The following CERS2 variants were observed in gnomAD, a reference collection of about 807,000 sequenced individuals.
CERS2 encodes ceramide synthase 2.
CERS2 carries 20 observed loss-of-function variants against 56.6 expected under a neutral mutation model. The ratio of observed to expected loss-of-function variants is 0.35; its 90% CI spans 0.25 to 0.51. CERS2 has a LOEUF of 0.51. Among genes scored for constraint, CERS2 ranks in the 20% least tolerant of loss-of-function variants. CERS2 has a pLI of 0.96. For missense variants in CERS2, 361 were observed against 488.6 expected, an observed-to-expected ratio of 0.74 and a Z score of 2.46; for synonymous variants, 187 against 175.4, an observed-to-expected ratio of 1.07 and a Z score of -0.52.
Position 150,969,054 on chromosome 1 carries a change from G to A in CERS2, c.37C>T (p.Arg13Cys). Reference protein sequence around the residue: ...QTLYDYFWWERLWLPVNLTWA... With the variant: ...QTLYDYFWWECLWLPVNLTWA... ...GTCAAGTTCACAGGCAGCCACAGACGTTCCCACCAGAAGTAATCATACAAG... is the reference window on the plus strand; with the variant it reads ...GTCAAGTTCACAGGCAGCCACAGACATTCCCACCAGAAGTAATCATACAAG... Residue 13 changes from arginine (R) to cysteine (C), a missense_variant, in exon 2 of 11, where the codon CGT (arginine) becomes TGT (cysteine). This residue lies in a region of CERS2 where 236 missense variants were observed against 309.2 expected (regional missense o/e 0.76). Coordinates refer to ENST00000368954, the MANE Select transcript of CERS2 (RefSeq NM_022075.5). 5 of 1,614,102 alleles carry A rather than the reference G, an allele frequency of 3.1e-6. No homozygotes were observed. The South Asian group carries it at 3.3e-5, about 11-fold the overall frequency.
chr1:150,966,808 TGAA>T lies in CERS2; in HGVS notation c.793_795del (p.Phe265del). The stretch of plus-strand genomic sequence containing the variant: ...ATGATAAAAACAATGGCGAAGACGA[TGAA>T]GATGTTGTTGCAGGTGTTCTTCCAT... On this transcript the variant is annotated inframe_deletion, in exon 9 of 11. Coordinates refer to ENST00000368954, the MANE Select transcript of CERS2 (RefSeq NM_022075.5). 2 of 1,614,108 alleles carry T rather than the reference TGAA, an allele frequency of 1.2e-6. No homozygotes were observed. The highest frequency in any genetic ancestry group is 1.7e-6 in the Non-Finnish European group (2 of 1,179,980).
chr1:150,970,017 C>CA (rs1450456483), intron 1 of CERS2, among the ~76,000 whole-genome samples: 1 of 152,100 alleles, frequency 6.6e-6, no homozygotes, highest in Non-Finnish European at 1.5e-5. Flanking sequence ...CACTTGAGCT[C>CA]AGGAGTTTGA....
At chr1:150,968,003 G>A (rs757121339) in intron 4 of CERS2, 80 bp downstream of exon 4, 191 of 1,428,176 alleles carry the variant, frequency 1.3e-4, no homozygotes, top group Admixed American at 1.8e-4. Context: ...ATCTCCCTGC[G>A]TATAGCCACC....
chr1:150,966,678 C>T lies in CERS2; in HGVS notation c.849-49G>A, dbSNP rs146346001. 4,382 of 1,608,352 alleles carry T rather than the reference C, an allele frequency of 2.7e-3. 11 individuals carry two copies. The highest frequency in any genetic ancestry group is 3.3e-3 in the Non-Finnish European group (3,923 of 1,175,030). The stretch of plus-strand genomic sequence containing the variant: ...ACGTGGACAAGAGCAGGTCAGACAC[C>T]GGGGAGATACAGGAGGGGAAGAAAG... On this transcript the variant is annotated intron_variant, in intron 9 of 10. Transcript: ENST00000368954.
chr1:150,967,372 T>G lies in CERS2; in HGVS notation c.612+20A>C. 6.5e-7 allele frequency: 1 copy of G among 1,543,154 alleles called. No individual in the cohort carries two copies. Among genetic ancestry groups the G allele is most frequent in the Non-Finnish European group, 9.0e-7 (1 of 1,115,442 alleles). On this transcript the variant is annotated intron_variant, in intron 7 of 10. Transcript: ENST00000368954. Reference sequence around the variant, plus strand: ...CCTCATTTTGGCTCTGAGGCTTAATTGCACAACCCCTTCACCCACCTTTCG... The same window carrying G: ...CCTCATTTTGGCTCTGAGGCTTAATGGCACAACCCCTTCACCCACCTTTCG...
At chr1:150,967,255 A>G in intron 7 of CERS2, 53 bp from the exon 8 acceptor site, 4 of 1,595,106 alleles carry the variant, frequency 2.5e-6, no homozygotes, top group Admixed American at 1.7e-5. Flanking sequence ...AGCTCTCACT[A>G]TGCCTTCTTA....
At position 150,966,958 on chromosome 1, in the gene CERS2, C is replaced by T. The variant is rs956617231; in HGVS notation, c.742-96G>A. ...GTTAGGAGCACTGACTCTGTGCCCT[C>T]CTCCTTGGTCCCAGGAATGTCATCC... On this transcript the variant is annotated intron_variant, in intron 8 of 10. Coordinates refer to ENST00000368954, the MANE Select transcript of CERS2 (RefSeq NM_022075.5). The T allele has an allele frequency of 4.8e-6, 7 of 1,451,764 alleles. 1 individual carries two copies. In the South Asian group the frequency reaches 8.1e-5, roughly 17 times the overall value. 89.9% of individuals were successfully genotyped at this position (1,451,764 alleles called of 1,614,324 possible). A position where few individuals can be genotyped will look rare whatever the true frequency, so the allele number is the denominator to read the frequency against.
rs1190918717 is a variant in CERS2 at position 150,974,565 on chromosome 1, GC to G, written c.-2+53del. ...ACCCGGGGCTCCCAACTTTTCCGCA[GC>G]CCCTTCCCACCCCCGCGCGGGGCTC... On this transcript the variant is annotated intron_variant, in intron 1 of 10. Coordinates refer to ENST00000368954, the MANE Select transcript of CERS2 (RefSeq NM_022075.5). 4.0e-5 allele frequency: 6 copies of G among 149,336 alleles called. No homozygotes were observed. In the East Asian group the frequency reaches 1.2e-3, roughly 30 times the overall value. 9.3% of individuals were successfully genotyped at this position (149,336 alleles called of 1,614,324 possible). A position where few individuals can be genotyped will look rare whatever the true frequency, so the allele number is the denominator to read the frequency against.
Position 150,974,740 on chromosome 1 carries a change from G to C in CERS2, c.-123C>G, listed in dbSNP as rs986590199. The C allele has an allele frequency of 6.6e-6, 1 of 152,630 alleles. No individual in the cohort carries two copies. The highest frequency in any genetic ancestry group is 6.6e-5 in the Admixed American group (1 of 15,076). 9.5% of individuals were successfully genotyped at this position (152,630 alleles called of 1,614,324 possible). On this transcript the variant is annotated 5_prime_UTR_variant, in exon 1 of 11. Coordinates refer to ENST00000368954, the MANE Select transcript of CERS2 (RefSeq NM_022075.5). ...CTCCTCCCTCTTCCGCCCGCCCGCCGGCCCGCGCCCGCCCTCGCCCTCCCT... is the reference window on the plus strand; with the variant it reads ...CTCCTCCCTCTTCCGCCCGCCCGCCCGCCCGCGCCCGCCCTCGCCCTCCCT...
chr1:150,974,464 C>T (rs1399743463), intron 1 of CERS2, 155 bp downstream of exon 1: 4 of 149,376 alleles, frequency 2.7e-5, no homozygotes, highest in Non-Finnish European at 6.0e-5. Flanking sequence ...CGCCCCCCGC[C>T]AGCGCCGCCT....
Position 150,966,016 on chromosome 1 carries a change from G to A in CERS2, c.*132C>T, listed in dbSNP as rs1558031113. On this transcript the variant is annotated 3_prime_UTR_variant, in exon 11 of 11. Coordinates refer to ENST00000368954, the MANE Select transcript of CERS2 (RefSeq NM_022075.5). ...TTAAAGGCAACTGGGTGACAAGCAAGGAGGGAGGATGCAGAGAACTCTCCT... is the reference window on the plus strand; with the variant it reads ...TTAAAGGCAACTGGGTGACAAGCAAAGAGGGAGGATGCAGAGAACTCTCCT... 5.2e-6 allele frequency: 5 copies of A among 956,456 alleles called. No homozygotes were observed. In the East Asian group the frequency reaches 1.4e-4, roughly 26 times the overall value. The allele number at this position is 956,456 out of a possible 1,614,324, so 59.2% of individuals were successfully genotyped here.
intron 8 of CERS2, 76 bp from the exon 9 acceptor site, chr1:150,966,938 G>A (rs1671040979): frequency 1.1e-5 from 15 of 1,427,392 alleles, no homozygotes; most frequent in South Asian, 8.0e-5. Context: ...CTCCAGTTAG[G>A]AGCACTGACT....
intron 10 of CERS2, 53 bp downstream of exon 10, chr1:150,966,423 T>C: frequency 6.2e-7 from 1 of 1,604,564 alleles, no homozygotes; most frequent in Non-Finnish European, 8.5e-7. Context: ...AAGATGGGAG[T>C]TCAGGAAGTT....
At position 150,968,967 on chromosome 1, in the gene CERS2, T is replaced by G; in HGVS notation, c.124A>C (p.Thr42Pro). The change falls in exon 2 of 11, where the codon ACG becomes CCG. Residue 42 changes from threonine (T) to proline (P), a missense_variant. Physicochemically the swap from Thr to Pro is conservative, Grantham distance 38 (BLOSUM62 -1). Coordinates refer to ENST00000368954, the MANE Select transcript of CERS2 (RefSeq NM_022075.5). ...AGGAAGAGCAAGGCCAGGGGCAGCG[T>G]GATATAGAGATCTGAGGCTTTGGCG... Reference protein sequence around the residue: ...VYAKASDLYITLPLALLFLIV... With the variant: ...VYAKASDLYIPLPLALLFLIV... The G allele has an allele frequency of 6.2e-7, 1 of 1,613,992 alleles. No individual in the cohort carries two copies. Among genetic ancestry groups the G allele is most frequent in the Non-Finnish European group, 8.5e-7 (1 of 1,180,010 alleles).
intron 2 of CERS2, 60 bp from the exon 3 acceptor site, chr1:150,968,572 A>G: frequency 7.4e-7 from 1 of 1,345,842 alleles, no homozygotes; most frequent in Non-Finnish European, 1.1e-6. Flanking sequence ...GCTGCAAGCT[A>G]AGGCAACTTT....
Position 150,968,855 on chromosome 1 carries a change from T to C in CERS2, c.173+63A>G, listed in dbSNP as rs1266852517. 5.2e-5 allele frequency: 79 copies of C among 1,505,322 alleles called. No individual in the cohort carries two copies. The highest frequency in any genetic ancestry group is 1.6e-4 in the East Asian group (7 of 44,212). 93.2% of individuals were successfully genotyped at this position (1,505,322 alleles called of 1,614,324 possible). On this transcript the variant is annotated intron_variant, in intron 2 of 10. Transcript: ENST00000368954. ...GCTAATTAAACAGCAAGGAACAAAC[T>C]TGAAGTCCAAGAAACTGCAACTGGC...
At chr1:150,968,246 TCAG>T in intron 3 of CERS2, 45 bp from the exon 4 acceptor site, 1 of 1,577,670 alleles carries the variant, frequency 6.3e-7, no homozygotes, top group South Asian at 1.1e-5. Flanking sequence ...CCTTCGGAAC[TCAG>T]CAGCATCCCC....
chr1:150,966,283 T>C lies in CERS2; in HGVS notation c.1008A>G (p.Val336=), dbSNP rs1323132071. The change falls in exon 11 of 11, where the codon GTA becomes GTG. Residue 336 remains valine (V), a synonymous_variant. Transcript: ENST00000368954. ...MAHKFITGKL[V]EDERSDREET... The stretch of plus-strand genomic sequence containing the variant: ...CTTCCCGGTCACTGCGTTCATCTTC[T>C]ACCAGCTGTGGAAAAGGGACAAGAA... 2 of 1,612,196 alleles carry C rather than the reference T, an allele frequency of 1.2e-6. No individual in the cohort carries two copies. Among genetic ancestry groups the C allele is most frequent in the African/African-American group, 2.7e-5 (2 of 74,738 alleles).
chr1:150,969,527 A>G (rs907504912), intron 1 of CERS2, among the ~76,000 whole-genome samples: 2 of 151,458 alleles, frequency 1.3e-5, no homozygotes, highest in Non-Finnish European at 2.9e-5. Context: ...GTGAGCCGGA[A>G]TCACGCCATT....
Sources: gnomAD v4.1 joint callset for allele counts (sites outside exome capture counted in the v4.1 genomes callset) on GRCh38, gnomAD v4.1.1 for gene constraint, gnomAD v4.1.1 regional missense constraint, MANE v1.5 for transcripts, NCBI Gene and HGNC (gene_info 2026-07-23, HGNC 2026-07-21) for gene names.